The following UQCC1 variants were observed in gnomAD, a reference collection of about 807,000 sequenced individuals.
UQCC1 encodes the protein ubiquinol-cytochrome c reductase complex assembly factor 1.
In UQCC1, 38 loss-of-function variants were observed where a neutral mutation model predicts 48.0. The observed-to-expected ratio is 0.79, with a 90% CI of 0.61 to 1.04. The LOEUF is 1.04. Among genes scored for constraint, UQCC1 ranks in the 50% least tolerant of loss-of-function variants. The pLI is 0.00. For missense variants in UQCC1, 368 were observed against 381.8 expected (o/e 0.96, Z 0.30); for synonymous variants, 111 against 129.2 (o/e 0.86, Z 0.95).
chr20:35,355,844 CT>C (rs1475732143), intron 6 of UQCC1, among the ~76,000 whole-genome samples: 8 of 150,102 alleles, frequency 5.3e-5, no homozygotes, highest in African/African-American at 2.0e-4. Context: ...ATGGTACCTT[CT>C]TTATCTTCCC....
chr20:35,343,210 G>T (rs898410089), intron 7 of UQCC1, among the ~76,000 whole-genome samples: 4 of 152,092 alleles, frequency 2.6e-5, no homozygotes, highest in Non-Finnish European at 4.4e-5. Flanking sequence ...CACAGAGATA[G>T]ATTTGCAAAT....
intron 4 of UQCC1, among the ~76,000 whole-genome samples, chr20:35,381,152 A>G (rs1006094546): frequency 1.3e-5 from 2 of 152,234 alleles, no homozygotes; most frequent in African/African-American, 4.8e-5. Context: ...ATAACAGATA[A>G]TGTGCTAGGC....
At chr20:35,365,375 C>T (rs1326592256) in intron 6 of UQCC1, among the ~76,000 whole-genome samples, 1 of 152,148 alleles carries the variant, frequency 6.6e-6, no homozygotes, top group Admixed American at 6.5e-5. Flanking sequence ...ATAGCATAGG[C>T]TGGGCACGGT....
intron 4 of UQCC1, 103 bp downstream of exon 4, chr20:35,381,815 T>C (rs923273741): frequency 1.4e-5 from 10 of 727,866 alleles, no homozygotes; most frequent in African/African-American, 8.9e-5. Flanking sequence ...TCCAAAATAA[T>C]GTATGAATTC....
In UQCC1 at chr20:35,320,875, T is replaced by C. The variant is rs1261127124; in HGVS notation, c.574-6110A>G. 2.3e-4 allele frequency among the ~76,000 whole-genome samples: 35 copies of C among 152,238 alleles called. 1 individual carries two copies. The highest frequency in any genetic ancestry group is 2.9e-5 in the Non-Finnish European group (2 of 68,040). The stretch of plus-strand genomic sequence containing the variant: ...ACAAAGGACAGCTAGAGTTGCTGGC[T>C]GAAGCCTAAGGACTATATCAAATTC... On this transcript the variant is annotated intron_variant, in intron 7 of 9. Coordinates refer to ENST00000374385, the MANE Select transcript of UQCC1 (RefSeq NM_018244.5).
intron 7 of UQCC1, among the ~76,000 whole-genome samples, chr20:35,326,076 G>A (rs1216249052): frequency 6.6e-6 from 1 of 152,212 alleles, no homozygotes; most frequent in Non-Finnish European, 1.5e-5. Context: ...AGATCACAAA[G>A]TTGGGGGAAG....
At chr20:35,387,418 T>C (rs951804803) in intron 2 of UQCC1, among the ~76,000 whole-genome samples, 1 of 152,102 alleles carries the variant, frequency 6.6e-6, no homozygotes, top group Non-Finnish European at 1.5e-5. Context: ...AACTATAAGC[T>C]CCAGGGCACA....
intron 2 of UQCC1, among the ~76,000 whole-genome samples, chr20:35,391,307 T>C (rs1186403539): frequency 1.3e-5 from 2 of 152,132 alleles, no homozygotes; most frequent in Admixed American, 1.3e-4. Flanking sequence ...CAAAAGTGTC[T>C]AAATCTTGAG....
intron 2 of UQCC1, among the ~76,000 whole-genome samples, chr20:35,386,080 C>T (rs777043943): frequency 6.6e-6 from 1 of 151,950 alleles, no homozygotes; most frequent in Admixed American, 6.6e-5. Context: ...ATGTTAAATG[C>T]TTATAATATG....
At chr20:35,338,872 A>ATATAT (rs1568666036) in intron 7 of UQCC1, among the ~76,000 whole-genome samples, 5 of 57,678 alleles carry the variant, frequency 8.7e-5, no homozygotes, top group African/African-American at 6.3e-4. Flanking sequence ...AAAAAAAAAA[A>ATATAT]AAAAAAAAAA....
intron 8 of UQCC1, among the ~76,000 whole-genome samples, chr20:35,312,262 G>A (rs2061002780): frequency 6.6e-6 from 1 of 152,112 alleles, no homozygotes; most frequent in Non-Finnish European, 1.5e-5. Context: ...ACCCCCGAAA[G>A]CTCATGTTAA....
chr20:35,307,185 G>C (rs1334755764), intron 8 of UQCC1: 1 of 293,538 alleles, frequency 3.4e-6, no homozygotes, highest in African/African-American at 2.2e-5. Context: ...TGGGAATATT[G>C]TGAATGTATG....
At chr20:35,407,919 G>A (rs895900031) in intron 1 of UQCC1, among the ~76,000 whole-genome samples, 8 of 152,222 alleles carry the variant, frequency 5.3e-5, no homozygotes, top group Non-Finnish European at 1.5e-5. Context: ...CTACTTGGGA[G>A]GCTGAGGCGG....
At chr20:35,339,335 T>C (rs73903052) in intron 7 of UQCC1, among the ~76,000 whole-genome samples, 2,197 of 152,198 alleles carry the variant, frequency 0.014, 50 homozygotes, top group African/African-American at 0.049. Context: ...GAGCACACCA[T>C]GGTAAGTTCA....
chr20:35,381,869 A>G (rs1387290267), intron 4 of UQCC1, 49 bp downstream of exon 4: 2 of 1,117,422 alleles, frequency 1.8e-6, no homozygotes, highest in South Asian at 2.7e-5. Flanking sequence ...TTAGGAGCAG[A>G]AAGCACAATG....
At chr20:35,364,982 A>G (rs1422151907) in intron 6 of UQCC1, among the ~76,000 whole-genome samples, 1 of 152,036 alleles carries the variant, frequency 6.6e-6, no homozygotes, top group East Asian at 1.9e-4. Context: ...TTACAGTGCC[A>G]CCTCTACAGT....
intron 7 of UQCC1, among the ~76,000 whole-genome samples, chr20:35,325,974 G>A (rs1299003886): frequency 1.3e-5 from 2 of 152,118 alleles, no homozygotes; most frequent in African/African-American, 2.4e-5. Flanking sequence ...GGCCCTGAAC[G>A]CCAGCCACAT....
chr20:35,376,695 T>C (rs1384671962), intron 4 of UQCC1, among the ~76,000 whole-genome samples: 1 of 152,164 alleles, frequency 6.6e-6, no homozygotes, highest in African/African-American at 2.4e-5. Context: ...CCAGGCGCGG[T>C]GGCTCACACC....
Position 35,411,943 on chromosome 20 carries a change from G to A in UQCC1, c.21C>T (p.Val7=). The change falls in exon 1 of 10, where the codon GTC becomes GTT. Residue 7 remains valine (V), a synonymous_variant. Transcript: ENST00000374385. MALLVR[V]LRNQTSISQW... ...AGAAAATTACTCCTTCACTCACAAGGACTCGCACCAGCAACGCCATGTTCC... is the reference window on the plus strand; with the variant it reads ...AGAAAATTACTCCTTCACTCACAAGAACTCGCACCAGCAACGCCATGTTCC... 6.2e-7 allele frequency: 1 copy of A among 1,614,166 alleles called. No individual in the cohort carries two copies. The highest frequency in any genetic ancestry group is 1.3e-5 in the African/African-American group (1 of 75,046).
Sources: allele counts gnomAD v4.1 joint callset (sites outside exome capture counted in the v4.1 genomes callset), GRCh38; gene constraint gnomAD v4.1.1; transcripts MANE v1.5; gene names NCBI Gene and HGNC (gene_info 2026-07-23, HGNC 2026-07-21).